DRD2: variants seen among roughly 807,000 people sequenced by gnomAD.
The protein encoded by DRD2 is dopamine receptor D2, also known as D(2) dopamine receptor.
A neutral mutation model predicts 38.0 loss-of-function variants in DRD2; 8 were observed. The ratio of observed to expected loss-of-function variants is 0.21; its 90% CI spans 0.12 to 0.38. The LOEUF (loss-of-function observed/expected upper bound fraction) is 0.38. Ranked by LOEUF, DRD2 falls within the 10% of genes least tolerant of loss-of-function variation. DRD2 has a pLI of 1.00. For missense variants in DRD2, 403 were observed against 607.7 expected (o/e 0.66, Z 3.54); for synonymous variants, 230 against 238.6 (o/e 0.96, Z 0.33).
chr11:113,418,847 G>T (rs1950853824), intron 2 of DRD2, among the ~76,000 whole-genome samples: 1 of 152,176 alleles, frequency 6.6e-6, no homozygotes, highest in Admixed American at 6.5e-5. Context: ...TGTAGCCTGG[G>T]CTTTCCCTCA....
At chr11:113,439,919 T>C (rs1385672858) in intron 1 of DRD2, among the ~76,000 whole-genome samples, 1 of 133,934 alleles carries the variant, frequency 7.5e-6, no homozygotes, top group Non-Finnish European at 1.5e-5. Flanking sequence ...CCCAGGTTCA[T>C]AGAGCCTATT....
intron 2 of DRD2, among the ~76,000 whole-genome samples, chr11:113,423,283 AT>A (rs5794864): frequency 0.43 from 64,732 of 150,230 alleles, 16,842 homozygotes; most frequent in Non-Finnish European, 0.6. Context: ...ATTTAATTTT[AT>A]TTTTTTTTTG....
At chr11:113,472,629 T>C (rs899804488) in intron 1 of DRD2, among the ~76,000 whole-genome samples, 12 of 152,152 alleles carry the variant, frequency 7.9e-5, no homozygotes, top group Admixed American at 2.6e-4. Flanking sequence ...ATCAATACAG[T>C]CAATATGTCA....
At position 113,410,474 on chromosome 11, in the gene DRD2, C is replaced by A. The variant is rs1483094858; in HGVS notation, c.*253G>T. 3.5e-6 allele frequency: 2 copies of A among 578,172 alleles called. No individual in the cohort carries two copies. The highest frequency in any genetic ancestry group is 6.2e-6 in the Non-Finnish European group (2 of 321,388). 35.8% of individuals were successfully genotyped at this position (578,172 alleles called of 1,614,324 possible). On this transcript the variant is annotated 3_prime_UTR_variant, in exon 8 of 8. Coordinates refer to ENST00000362072, the MANE Select transcript of DRD2 (RefSeq NM_000795.4). ...GGGGGACTGGAGGTGGGAGGGGGGA[C>A]TCTATGAGCTGCCCCTGAGCTGGGG...
intron 4 of DRD2, among the ~76,000 whole-genome samples, chr11:113,416,394 T>G (rs570573523): frequency 6.6e-6 from 1 of 152,326 alleles, no homozygotes; most frequent in East Asian, 1.9e-4. Context: ...TCCTATTCAC[T>G]TCTAGCTTTC....
rs557902354 is a variant in DRD2 at position 113,468,828 on chromosome 11, G to A, written c.-32+6248C>T. 1.1e-4 allele frequency among the ~76,000 whole-genome samples: 16 copies of A among 152,286 alleles called. No homozygotes were observed. The East Asian group carries it at 1.2e-3, about 11-fold the overall frequency. On this transcript the variant is annotated intron_variant, in intron 1 of 7. Transcript: ENST00000362072. ...CTCCCAAAGGGATGGGATTACAGGCGTGAGCCACCGCGTCTGGCTAATCAG... is the reference window on the plus strand; with the variant it reads ...CTCCCAAAGGGATGGGATTACAGGCATGAGCCACCGCGTCTGGCTAATCAG...
chr11:113,454,059 G>T (rs1283131558), intron 1 of DRD2, among the ~76,000 whole-genome samples: 1 of 152,100 alleles, frequency 6.6e-6, no homozygotes, highest in Admixed American at 6.5e-5. Flanking sequence ...GCTGGTGGGT[G>T]GCTCACTCTT....
At chr11:113,444,105 G>C (rs1056486809) in intron 1 of DRD2, among the ~76,000 whole-genome samples, 2 of 152,040 alleles carry the variant, frequency 1.3e-5, no homozygotes, top group East Asian at 3.9e-4. Flanking sequence ...GCACAATTTC[G>C]GCTGACTGCA....
intron 1 of DRD2, among the ~76,000 whole-genome samples, chr11:113,425,885 G>T (rs576984059): frequency 6.6e-6 from 1 of 152,136 alleles, no homozygotes; most frequent in South Asian, 2.1e-4. Flanking sequence ...AAAATGTAGG[G>T]TATGGCAGTA....
chr11:113,474,763 C>G (rs1001522265), intron 1 of DRD2, among the ~76,000 whole-genome samples: 2 of 152,114 alleles, frequency 1.3e-5, no homozygotes, highest in Non-Finnish European at 2.9e-5. Flanking sequence ...GCGGCTCCGC[C>G]GTGCTGCCCT....
chr11:113,426,297 AGAGGG>A (rs1413314635), intron 1 of DRD2, among the ~76,000 whole-genome samples: 1 of 152,098 alleles, frequency 6.6e-6, no homozygotes, highest in Non-Finnish European at 1.5e-5. Context: ...AAAAGGGACC[AGAGGG>A]GCTCAGGAGC....
intron 1 of DRD2, among the ~76,000 whole-genome samples, chr11:113,434,329 G>C (rs990180903): frequency 6.6e-6 from 1 of 152,188 alleles, no homozygotes; most frequent in Non-Finnish European, 1.5e-5. Context: ...TTTGAGAGAC[G>C]TCCATGGAGA....
At chr11:113,457,429 G>A (rs1483529532) in intron 1 of DRD2, among the ~76,000 whole-genome samples, 2 of 152,082 alleles carry the variant, frequency 1.3e-5, no homozygotes, top group South Asian at 2.1e-4. Flanking sequence ...TTCTGGGCAG[G>A]GCCCTCAAGG....
At chr11:113,432,523 A>G (rs1950997349) in intron 1 of DRD2, among the ~76,000 whole-genome samples, 1 of 152,170 alleles carries the variant, frequency 6.6e-6, no homozygotes, top group South Asian at 2.1e-4. Flanking sequence ...AAATTTAACA[A>G]TTCCTTATCA....
At position 113,438,464 on chromosome 11, in the gene DRD2, AC is replaced by A. The variant is rs532287209; in HGVS notation, c.-31-13783del. 5.9e-5 allele frequency among the ~76,000 whole-genome samples: 9 copies of A among 152,342 alleles called. No homozygotes were observed. The East Asian group carries it at 1.7e-3, about 29-fold the overall frequency. Reference sequence around the variant, plus strand: ...AAAGGAGCTGAGCTGTGTGAGGGTCACAGGCAAAAGACTCAAGCTGGAATGA... The same window carrying A: ...AAAGGAGCTGAGCTGTGTGAGGGTCAAGGCAAAAGACTCAAGCTGGAATGA... On this transcript the variant is annotated intron_variant, in intron 1 of 7. Transcript: ENST00000362072.
intron 1 of DRD2, among the ~76,000 whole-genome samples, chr11:113,453,782 T>C (rs1364402212): frequency 6.6e-6 from 1 of 152,194 alleles, no homozygotes; most frequent in Non-Finnish European, 1.5e-5. Flanking sequence ...ACATGATTTT[T>C]TAAAAGTCCC....
At chr11:113,446,537 A>C (rs1310157735) in intron 1 of DRD2, among the ~76,000 whole-genome samples, 1 of 152,230 alleles carries the variant, frequency 6.6e-6, no homozygotes, top group Non-Finnish European at 1.5e-5. Context: ...ACCTATGTCA[A>C]CTAGGAAGTG....
intron 2 of DRD2, 52 bp downstream of exon 2, chr11:113,424,315 A>T (rs1038432691): frequency 6.3e-7 from 1 of 1,590,108 alleles, no homozygotes; most frequent in African/African-American, 1.3e-5. Context: ...CCCAGTGTCC[A>T]GTGCAGGGCC....
intron 1 of DRD2, among the ~76,000 whole-genome samples, chr11:113,428,222 T>G (rs1197931747): frequency 6.6e-6 from 1 of 152,090 alleles, no homozygotes; most frequent in Non-Finnish European, 1.5e-5. Context: ...AGGGGAATGC[T>G]CTCAGGATCA....
Sources: gnomAD v4.1 joint callset for allele counts (sites outside exome capture counted in the v4.1 genomes callset) on GRCh38, gnomAD v4.1.1 for gene constraint, MANE v1.5 for transcripts, NCBI Gene and HGNC (gene_info 2026-07-23, HGNC 2026-07-21) for gene names.